QNG1: variants seen among roughly 807,000 people sequenced by gnomAD.
The protein encoded by QNG1 is queuosine 5'-phosphate N-glycosylase/hydrolase.
the QNG1 span, among the ~76,000 whole-genome samples, chr9:83,948,081 C>A: frequency 1.3e-5 from 2 of 151,228 alleles, no homozygotes; most frequent in Non-Finnish European, 2.9e-5. Flanking sequence ...CGTCTCTGCC[C>A]GGCTGCCCAT....
At chr9:83,956,224 C>T in the QNG1 span, 3 of 1,613,950 alleles carry the variant, frequency 1.9e-6, no homozygotes, top group Non-Finnish European at 2.5e-6. Flanking sequence ...TATGTTTTCC[C>T]TCTGTACCTC....
chr9:83,955,513 G>A, the QNG1 span: 5 of 1,614,124 alleles, frequency 3.1e-6, no homozygotes, highest in Non-Finnish European at 4.2e-6. Context: ...GAATTTTCCC[G>A]GTTTCATTGA....
chr9:83,947,605 A>G, the QNG1 span, among the ~76,000 whole-genome samples: 8 of 152,066 alleles, frequency 5.3e-5, no homozygotes, highest in African/African-American at 1.7e-4. Flanking sequence ...GCTCACTGCA[A>G]CCTCCCTGCC....
At chr9:83,950,824 C>T in the QNG1 span, among the ~76,000 whole-genome samples, 272 of 152,108 alleles carry the variant, frequency 1.8e-3, 2 homozygotes, top group Non-Finnish European at 1.8e-3. Context: ...TGGTCTTGAA[C>T]TCCTGGGCTC....
the QNG1 span, chr9:83,939,177 G>A: frequency 1.7e-5 from 4 of 235,008 alleles, no homozygotes; most frequent in African/African-American, 6.9e-5. Flanking sequence ...GAGTTCAAGC[G>A]ATTCTCTTGC....
the QNG1 span, among the ~76,000 whole-genome samples, chr9:83,948,049 AT>A: frequency 6.8e-6 from 1 of 146,372 alleles, no homozygotes; most frequent in Non-Finnish European, 1.5e-5. Context: ...CCCGGCTGCC[AT>A]CCCATCTAAG....
the QNG1 span, among the ~76,000 whole-genome samples, chr9:83,942,104 C>A: frequency 6.6e-6 from 1 of 152,214 alleles, no homozygotes; most frequent in Non-Finnish European, 1.5e-5. Context: ...TGATTTCAGA[C>A]TTCCAGTCTC....
the QNG1 span, among the ~76,000 whole-genome samples, chr9:83,941,634 C>T: frequency 3.3e-5 from 5 of 152,190 alleles, no homozygotes; most frequent in Admixed American, 3.3e-4. Context: ...GGATACAGGT[C>T]GGGTGCAGTG....
the QNG1 span, chr9:83,956,640 C>T: frequency 4.6e-6 from 3 of 648,480 alleles, no homozygotes; most frequent in South Asian, 5.0e-5. Flanking sequence ...GCACCGAGAA[C>T]TTAGTGCAGC....
At chr9:83,946,441 T>C in the QNG1 span, among the ~76,000 whole-genome samples, 1 of 152,224 alleles carries the variant, frequency 6.6e-6, no homozygotes, top group Non-Finnish European at 1.5e-5. Context: ...TATGAAGACA[T>C]TAATTGATCA....
the QNG1 span, chr9:83,955,380 C>A: frequency 1.9e-6 from 3 of 1,612,708 alleles, no homozygotes; most frequent in Non-Finnish European, 2.5e-6. Context: ...AAGCAACTCA[C>A]CTCAAACAGA....
the QNG1 span, chr9:83,939,715 T>G: frequency 6.2e-7 from 1 of 1,614,122 alleles, no homozygotes; most frequent in South Asian, 1.1e-5. Flanking sequence ...TTTCCACCTC[T>G]TGCCTGTCTC....
the QNG1 span, chr9:83,939,345 T>TCCC: frequency 1.7e-6 from 1 of 593,960 alleles, no homozygotes; most frequent in South Asian, 2.0e-5. Flanking sequence ...GTGCTGGGAT[T>TCCC]ACAGGCATAA....
chr9:83,952,489 G>A, the QNG1 span, among the ~76,000 whole-genome samples: 3 of 151,886 alleles, frequency 2.0e-5, no homozygotes, highest in Non-Finnish European at 4.4e-5. Context: ...GTGAAACCCT[G>A]TCTCTACTAA....
At chr9:83,949,671 A>C in the QNG1 span, among the ~76,000 whole-genome samples, 43 of 152,122 alleles carry the variant, frequency 2.8e-4, no homozygotes, top group South Asian at 8.3e-4. Flanking sequence ...AACAAACAAA[A>C]AAAAAACCCA....
chr9:83,956,374 C>G, the QNG1 span: 2 of 1,606,446 alleles, frequency 1.2e-6, no homozygotes, highest in East Asian at 4.5e-5. Flanking sequence ...ACGCGCAGCT[C>G]TGGCCCCGCC....
the QNG1 span, chr9:83,944,708 TA>T: frequency 1.9e-6 from 2 of 1,039,076 alleles, no homozygotes; most frequent in East Asian, 2.5e-5. Flanking sequence ...ACTTTTTTTT[TA>T]AAGCAAAGGA....
At chr9:83,952,557 G>A in the QNG1 span, among the ~76,000 whole-genome samples, 2 of 151,896 alleles carry the variant, frequency 1.3e-5, no homozygotes. Flanking sequence ...GCACTTTTGA[G>A]GCTGAGGCGG....
the QNG1 span, chr9:83,956,582 A>C: frequency 8.2e-7 from 1 of 1,219,664 alleles, no homozygotes; most frequent in Non-Finnish European, 1.1e-6. Context: ...GCTACTACGA[A>C]CCGCGCGATC....
Sources: gnomAD v4.1 joint callset for allele counts (sites outside exome capture counted in the v4.1 genomes callset) on GRCh38, gnomAD v4.1.1 for gene constraint, MANE v1.5 for transcripts, NCBI Gene and HGNC (gene_info 2026-07-23, HGNC 2026-07-21) for gene names.